The following SPIDR variants were observed in gnomAD, a reference collection of about 807,000 sequenced individuals.
SPIDR encodes the protein scaffold protein involved in DNA repair, also known as DNA repair-scaffolding protein.
Under a neutral mutation model 104.6 loss-of-function variants are expected in SPIDR, and 93 were observed. The ratio of observed to expected loss-of-function variants is 0.89; its 90% CI spans 0.75 to 1.06. The LOEUF (loss-of-function observed/expected upper bound fraction) is 1.06. SPIDR is among the 50% of genes least tolerant of loss of function. SPIDR has a pLI of 0.00. For missense variants in SPIDR, 1,154 were observed against 1,111.2 expected (o/e 1.04, Z -0.55); for synonymous variants, 431 against 416.9 (o/e 1.03, Z -0.41).
At chr8:47,345,270 T>C (rs1210740979) in intron 5 of SPIDR, among the ~76,000 whole-genome samples, 1 of 152,214 alleles carries the variant, frequency 6.6e-6, no homozygotes, top group Non-Finnish European at 1.5e-5. Context: ...ATCACATGGT[T>C]ATAGATGTGT....
At chr8:47,314,595 C>T (rs930241481) in intron 5 of SPIDR, among the ~76,000 whole-genome samples, 1 of 152,104 alleles carries the variant, frequency 6.6e-6, no homozygotes, top group Non-Finnish European at 1.5e-5. Context: ...CATCAGATCT[C>T]CTTAGAACTC....
At chr8:47,388,159 C>T (rs1554649433) in intron 5 of SPIDR, among the ~76,000 whole-genome samples, 2 of 152,176 alleles carry the variant, frequency 1.3e-5, no homozygotes, top group African/African-American at 2.4e-5. Flanking sequence ...TTTAGATCAA[C>T]CAGAAATAAG....
chr8:47,729,663 G>A, intron 19 of SPIDR, 198 bp downstream of exon 19: 1 of 593,588 alleles, frequency 1.7e-6, no homozygotes, highest in Non-Finnish European at 2.9e-6. Context: ...TGGAAATGAG[G>A]TTATTTTAGA....
intron 7 of SPIDR, among the ~76,000 whole-genome samples, chr8:47,419,555 T>G (rs1330371852): frequency 1.3e-5 from 2 of 152,174 alleles, no homozygotes; most frequent in Non-Finnish European, 2.9e-5. Context: ...TTTGTTGATC[T>G]TTTCAAAAAA....
At chr8:47,503,915 A>T (rs1426797042) in intron 8 of SPIDR, among the ~76,000 whole-genome samples, 2 of 152,188 alleles carry the variant, frequency 1.3e-5, no homozygotes, top group Non-Finnish European at 1.5e-5. Context: ...GCTGGATATG[A>T]AATTCTGGGT....
intron 11 of SPIDR, among the ~76,000 whole-genome samples, chr8:47,695,120 ACT>A (rs1275954626): frequency 6.6e-6 from 1 of 152,064 alleles, no homozygotes; most frequent in Non-Finnish European, 1.5e-5. Context: ...ACCACTGTAC[ACT>A]CATGAGAGAA....
intron 16 of SPIDR, among the ~76,000 whole-genome samples, chr8:47,716,298 T>C (rs1273759893): frequency 6.6e-6 from 1 of 152,196 alleles, no homozygotes; most frequent in East Asian, 1.9e-4. Context: ...CCGAGCGTAA[T>C]GTCTAAGATG....
At chr8:47,341,134 G>T (rs1385520292) in intron 5 of SPIDR, among the ~76,000 whole-genome samples, 2 of 152,156 alleles carry the variant, frequency 1.3e-5, no homozygotes, top group Admixed American at 1.3e-4. Flanking sequence ...CACCTGTGGG[G>T]TCTGTGCTAA....
intron 5 of SPIDR, among the ~76,000 whole-genome samples, chr8:47,358,890 G>T (rs2154287800): frequency 6.6e-6 from 1 of 152,106 alleles, no homozygotes; most frequent in South Asian, 2.1e-4. Flanking sequence ...AATCTCAATT[G>T]ATTTTTCTCT....
At chr8:47,725,177 T>C (rs2084034335) in intron 16 of SPIDR, among the ~76,000 whole-genome samples, 1 of 152,190 alleles carries the variant, frequency 6.6e-6, no homozygotes, top group South Asian at 2.1e-4. Flanking sequence ...GACCCACCCA[T>C]CCTGAGGACC....
At chr8:47,532,065 AT>A (rs34728107) in intron 8 of SPIDR, among the ~76,000 whole-genome samples, 68,061 of 119,542 alleles carry the variant, frequency 0.57, 18,389 homozygotes, top group East Asian at 0.69. Flanking sequence ...GTCAGAGTGG[AT>A]TTTTTTTTTT....
rs1409293752 is a variant in SPIDR, at chr8:47,298,855, A to G, written c.525+4825A>G. Among the ~76,000 whole-genome samples the G allele has an allele frequency of 1.9e-3, 296 of 152,306 alleles. 1 individual carries two copies. Among genetic ancestry groups the G allele is most frequent in the African/African-American group, 6.5e-3 (270 of 41,562 alleles). On this transcript the variant is annotated intron_variant, in intron 5 of 19. Transcript: ENST00000297423. ...AGTACCATGGTGTTTTGGTTACTGT[A>G]GCCTTGTAGTATAGTTTGAAGTCAG...
At chr8:47,554,592 C>G (rs1167367302) in intron 8 of SPIDR, among the ~76,000 whole-genome samples, 1 of 152,190 alleles carries the variant, frequency 6.6e-6, no homozygotes, top group Non-Finnish European at 1.5e-5. Flanking sequence ...TTGCTAAGAC[C>G]ATTTGGAAAA....
At chr8:47,490,511 A>G (rs773824839) in intron 8 of SPIDR, among the ~76,000 whole-genome samples, 1 of 152,230 alleles carries the variant, frequency 6.6e-6, no homozygotes, top group Non-Finnish European at 1.5e-5. Flanking sequence ...TACCGAAAGG[A>G]TTATGAATCA....
intron 8 of SPIDR, among the ~76,000 whole-genome samples, chr8:47,561,263 G>A (rs1022606492): frequency 2.6e-5 from 4 of 152,198 alleles, no homozygotes; most frequent in Admixed American, 2.6e-4. Flanking sequence ...AGGTAGAAAA[G>A]TATTTCTCAA....
intron 5 of SPIDR, among the ~76,000 whole-genome samples, chr8:47,311,136 C>T (rs587760893): frequency 2.0e-5 from 3 of 152,048 alleles, no homozygotes; most frequent in Admixed American, 6.5e-5. Flanking sequence ...GGTAAAAGGA[C>T]TAAATGAAAA....
chr8:47,409,166 C>CAGAGTG (rs1588320728), intron 7 of SPIDR, among the ~76,000 whole-genome samples: 1 of 152,094 alleles, frequency 6.6e-6, no homozygotes, highest in East Asian at 1.9e-4. Context: ...AGCCTGGCGA[C>CAGAGTG]AGAGTGAGAC....
At chr8:47,602,508 G>A (rs1222235506) in intron 10 of SPIDR, among the ~76,000 whole-genome samples, 1 of 152,218 alleles carries the variant, frequency 6.6e-6, no homozygotes, top group Non-Finnish European at 1.5e-5. Flanking sequence ...TGGGTGAAAA[G>A]AAACAGCGGT....
At chr8:47,513,424 TTAAAA>T (rs1480454788) in intron 8 of SPIDR, among the ~76,000 whole-genome samples, 3 of 152,268 alleles carry the variant, frequency 2.0e-5, no homozygotes, top group Non-Finnish European at 4.4e-5. Flanking sequence ...CGTCTGTATT[TTAAAA>T]TAAAATGTTA....
Sources: allele counts gnomAD v4.1 joint callset (sites outside exome capture counted in the v4.1 genomes callset), GRCh38; gene constraint gnomAD v4.1.1; transcripts MANE v1.5; gene names NCBI Gene and HGNC (gene_info 2026-07-23, HGNC 2026-07-21).